The following SSUH2 variants were observed in gnomAD, a reference collection of about 807,000 sequenced individuals.
SSUH2 encodes the protein protein SSUH2 homolog.
A neutral mutation model predicts 55.3 loss-of-function variants in SSUH2; 47 were observed. The ratio of observed to expected loss-of-function variants is 0.85; its 90% CI spans 0.67 to 1.08. The LOEUF (loss-of-function observed/expected upper bound fraction) is 1.08. Among genes scored for constraint, SSUH2 ranks in the 50% least tolerant of loss-of-function variants. The probability of loss-of-function intolerance (pLI) is 0.00; values close to 1 mark genes in which losing one functional copy is unlikely to be tolerated. For synonymous variants in SSUH2, 212 were observed against 191.5 expected, an observed-to-expected ratio of 1.11 and a Z score of -0.89; for missense variants, 535 against 490.7, an observed-to-expected ratio of 1.09 and a Z score of -0.85.
At chr3:8,674,887 C>T (rs1490569113) in intron 3 of SSUH2, among the ~76,000 whole-genome samples, 1 of 152,064 alleles carries the variant, frequency 6.6e-6, no homozygotes, top group Non-Finnish European at 1.5e-5. Context: ...GAAGACAACC[C>T]TCTGGGATTG....
chr3:8,655,917 T>C (rs763075543), intron 7 of SSUH2, among the ~76,000 whole-genome samples: 2 of 151,626 alleles, frequency 1.3e-5, no homozygotes, highest in Non-Finnish European at 2.9e-5. Flanking sequence ...ATATCTCCAC[T>C]TTTTTTTTCT....
chr3:8,622,941 G>T (rs2057243394), intron 11 of SSUH2, among the ~76,000 whole-genome samples: 1 of 152,210 alleles, frequency 6.6e-6, no homozygotes, highest in Non-Finnish European at 1.5e-5. Flanking sequence ...AGTCTGCAAG[G>T]TTCCTGTCCC....
intron 3 of SSUH2, among the ~76,000 whole-genome samples, chr3:8,674,818 C>G (rs1705045144): frequency 6.6e-6 from 1 of 151,966 alleles, no homozygotes; most frequent in African/African-American, 2.4e-5. Context: ...CTTTTCTGAA[C>G]TGAGCTGGGC....
intron 11 of SSUH2, among the ~76,000 whole-genome samples, chr3:8,623,048 G>A (rs1350467210): frequency 3.3e-5 from 5 of 152,172 alleles, no homozygotes; most frequent in Non-Finnish European, 7.3e-5. Context: ...CAGCAGAAGG[G>A]GCTACTCAGG....
At chr3:8,659,831 G>A (rs1316989663) in intron 6 of SSUH2, 1 of 455,312 alleles carries the variant, frequency 2.2e-6, no homozygotes, top group East Asian at 7.0e-5. Context: ...AGATAGAGAA[G>A]GAGGCAATTA....
intron 3 of SSUH2, chr3:8,634,320 C>A: frequency 1.7e-6 from 2 of 1,183,712 alleles, no homozygotes; most frequent in Non-Finnish European, 2.2e-6. Flanking sequence ...CAGACAGGGA[C>A]CCTAACCTCG....
At chr3:8,644,881 A>G (rs1249473729), upstream of SSUH2, 27 of 784,732 alleles carry the variant, frequency 3.4e-5, no homozygotes, top group Non-Finnish European at 4.8e-5. Flanking sequence ...TTGGAATACA[A>G]CAAAGGGAAA....
At chr3:8,630,204 T>C (rs562765866) in intron 6 of SSUH2, among the ~76,000 whole-genome samples, 4 of 152,350 alleles carry the variant, frequency 2.6e-5, no homozygotes, top group African/African-American at 7.2e-5. Context: ...CTCAAAGTAC[T>C]CTTTATCTTA....
At chr3:8,629,753 C>A (rs756052291) in intron 6 of SSUH2, 27 bp from the exon 7 acceptor site, 1 of 1,611,740 alleles carries the variant, frequency 6.2e-7, no homozygotes, top group East Asian at 2.2e-5. Flanking sequence ...TTCTTGGGAT[C>A]TAGTTTCCCA....
chr3:8,626,552 CCA>C (rs1200320058), intron 8 of SSUH2, among the ~76,000 whole-genome samples: 1 of 149,480 alleles, frequency 6.7e-6, no homozygotes, highest in Non-Finnish European at 1.5e-5. Context: ...CCCCCCTCCC[CCA>C]CCACTAAATT....
At chr3:8,654,227 C>A (rs1702714182) in intron 7 of SSUH2, among the ~76,000 whole-genome samples, 1 of 152,156 alleles carries the variant, frequency 6.6e-6, no homozygotes, top group Admixed American at 6.5e-5. Flanking sequence ...GGCACTAATT[C>A]CATCCTGGGG....
upstream of SSUH2, among the ~76,000 whole-genome samples, chr3:8,648,650 C>T (rs981486285): frequency 6.6e-6 from 1 of 152,170 alleles, no homozygotes; most frequent in Non-Finnish European, 1.5e-5. Context: ...CTGCTGCTGC[C>T]CTGGGCTTCC....
chr3:8,640,082 G>T, intron 1 of SSUH2: 1 of 796,612 alleles, frequency 1.3e-6, no homozygotes. Flanking sequence ...GTGGGGAGAA[G>T]GGAATAAGGA....
At chr3:8,636,944 C>T (rs997183645) in intron 1 of SSUH2, among the ~76,000 whole-genome samples, 6 of 152,178 alleles carry the variant, frequency 3.9e-5, no homozygotes, top group African/African-American at 1.4e-4. Context: ...AACCTAGACT[C>T]GTCTGACTCC....
chr3:8,622,492 G>A (rs778376655), intron 11 of SSUH2, among the ~76,000 whole-genome samples: 1 of 152,104 alleles, frequency 6.6e-6, no homozygotes, highest in Non-Finnish European at 1.5e-5. Flanking sequence ...CTAAAAATCT[G>A]GACTTCAGAC....
rs536307555 is a variant in SSUH2, at chr3:8,633,450, G to A, written c.339+216C>T. On this transcript the variant is annotated intron_variant, in intron 4 of 11. Coordinates refer to ENST00000544814, the MANE Select transcript of SSUH2 (RefSeq NM_001256748.3). ...GCTGGGATTACAGGCATGAGCCGCCGCACCCGGCCTGACACTTGTTCTTTT... is the reference window on the plus strand; with the variant it reads ...GCTGGGATTACAGGCATGAGCCGCCACACCCGGCCTGACACTTGTTCTTTT... Among the ~76,000 whole-genome samples, 19 of 152,246 alleles carry A rather than the reference G, an allele frequency of 1.2e-4. No individual in the cohort carries two copies. The East Asian group carries it at 2.9e-3, about 23-fold the overall frequency.
At chr3:8,652,919 C>A (rs899971359) in intron 7 of SSUH2, among the ~76,000 whole-genome samples, 1 of 152,202 alleles carries the variant, frequency 6.6e-6, no homozygotes, top group Non-Finnish European at 1.5e-5. Flanking sequence ...CTCCCCCTTT[C>A]CCTCAGGCCA....
At chr3:8,681,231 C>T (rs1454089320) in intron 1 of SSUH2, among the ~76,000 whole-genome samples, 1 of 148,000 alleles carries the variant, frequency 6.8e-6, no homozygotes, top group African/African-American at 2.5e-5. Context: ...GCTCTCAGGA[C>T]CCCCATCGCA....
chr3:8,654,833 AATCTCAGTGTGTGGCCTCCCCCAG>A (rs1321016058), intron 7 of SSUH2, among the ~76,000 whole-genome samples: 4 of 117,594 alleles, frequency 3.4e-5, no homozygotes, highest in East Asian at 5.2e-4. Flanking sequence ...TCTTCCCCCA[AATCTCAGTGTGTGGCCTCCCCCAG>A]ATCTCAGTGT....
Sources: allele counts gnomAD v4.1 joint callset (sites outside exome capture counted in the v4.1 genomes callset), GRCh38; gene constraint gnomAD v4.1.1; transcripts MANE v1.5; gene names NCBI Gene and HGNC (gene_info 2026-07-23, HGNC 2026-07-21).